PIKFYVE: variants seen among roughly 807,000 people sequenced by gnomAD.
PIKFYVE encodes the protein phosphoinositide kinase, FYVE-type zinc finger containing.
A neutral mutation model predicts 257.9 loss-of-function variants in PIKFYVE; 122 were observed. The observed-to-expected ratio is 0.47, with a 90% CI of 0.41 to 0.55. PIKFYVE has a LOEUF of 0.55. PIKFYVE is among the 20% of genes least tolerant of loss of function. The probability of loss-of-function intolerance (pLI) is 0.00; values close to 1 mark genes in which losing one functional copy is unlikely to be tolerated. For missense variants in PIKFYVE, 2,160 were observed against 2,536.6 expected, an observed-to-expected ratio of 0.85 and a Z score of 3.19; for synonymous variants, 892 against 868.9, an observed-to-expected ratio of 1.03 and a Z score of -0.47.
chr2:208,346,583 A>G (rs75501388), intron 34 of PIKFYVE, among the ~76,000 whole-genome samples: 2,079 of 152,324 alleles, frequency 0.014, 25 homozygotes, highest in Non-Finnish European at 0.023. Flanking sequence ...TTTTTCAAGA[A>G]GGAACTTAAA....
rs543026237 is a variant in PIKFYVE at position 208,295,572 on chromosome 2, T to C, written c.912-3069T>C. ...AGTTGTTTAGTAAAATGCCCTTCAA[T>C]TTAAGTTTATCAAAAGCTTCCTATG... On this transcript the variant is annotated intron_variant, in intron 7 of 41. Coordinates refer to ENST00000264380, the MANE Select transcript of PIKFYVE (RefSeq NM_015040.4). 6.6e-5 allele frequency among the ~76,000 whole-genome samples: 10 copies of C among 152,342 alleles called. No individual in the cohort carries two copies. In the South Asian group the frequency reaches 2.1e-3, roughly 32 times the overall value.
chr2:208,316,458 T>G (rs1292659554), intron 15 of PIKFYVE, among the ~76,000 whole-genome samples: 4 of 151,946 alleles, frequency 2.6e-5, no homozygotes, highest in Admixed American at 1.3e-4. Flanking sequence ...CCACACTGAC[T>G]TCCACAATGG....
chr2:208,315,747 C>G (rs1023070787), intron 15 of PIKFYVE, among the ~76,000 whole-genome samples: 2 of 151,900 alleles, frequency 1.3e-5, no homozygotes, highest in Admixed American at 1.3e-4. Context: ...TTGTCCCACT[C>G]GTGGCCTGTG....
chr2:208,277,983 A>G (rs1260186664), intron 5 of PIKFYVE, among the ~76,000 whole-genome samples: 5 of 152,248 alleles, frequency 3.3e-5, no homozygotes. Context: ...AGATCGTTAG[A>G]GTAGATTACT....
chr2:208,313,398 A>T (rs1458449690), intron 13 of PIKFYVE, among the ~76,000 whole-genome samples: 5 of 152,156 alleles, frequency 3.3e-5, no homozygotes, highest in African/African-American at 1.2e-4. Context: ...TTTGTTAAAA[A>T]ACCCCTGTGC....
intron 11 of PIKFYVE, 49 bp from the exon 12 acceptor site, chr2:208,304,797 T>A (rs768721756): frequency 6.3e-7 from 1 of 1,578,748 alleles, no homozygotes; most frequent in African/African-American, 1.3e-5. Context: ...AAACCCATTT[T>A]TACTCCCCTC....
At chr2:208,335,732 A>G (rs1165858022) in intron 25 of PIKFYVE, 61 bp from the exon 26 acceptor site, 1 of 1,251,152 alleles carries the variant, frequency 8.0e-7, no homozygotes, top group Non-Finnish European at 1.2e-6. Flanking sequence ...TTTTCTATTT[A>G]TGTGAGATAG....
Position 208,315,259 on chromosome 2 carries a change from ATC to A in PIKFYVE, c.1895_1896del (p.Ser632LeufsTer19). 2.5e-6 allele frequency: 4 copies of A among 1,614,166 alleles called. No homozygotes were observed. The highest frequency in any genetic ancestry group is 3.4e-6 in the Non-Finnish European group (4 of 1,180,020). ...TGCTCCATAGTGACTCACTGTCATC[ATC>A]TTGGAGGGACATCATCGTGTCATTG... ...QLLHSDSLSSSWRDIIVSLVC... is the reference protein window; with the variant it reads ...QLLHSDSLSSXWRDIIVSLVC... On this transcript the variant is annotated frameshift_variant, in exon 15 of 42. Coordinates refer to ENST00000264380, the MANE Select transcript of PIKFYVE (RefSeq NM_015040.4). LOFTEE classifies it high-confidence loss of function.
At chr2:208,306,559 A>G (rs1694335458) in intron 12 of PIKFYVE, among the ~76,000 whole-genome samples, 1 of 152,208 alleles carries the variant, frequency 6.6e-6, no homozygotes, top group Admixed American at 6.5e-5. Flanking sequence ...ACCTGTCATC[A>G]TAGAATTTGT....
intron 38 of PIKFYVE, among the ~76,000 whole-genome samples, chr2:208,352,186 T>A (rs758183756): frequency 4.6e-5 from 7 of 152,318 alleles, no homozygotes; most frequent in Non-Finnish European, 7.4e-5. Context: ...TTGCTGAGAC[T>A]GAAATTTGAA....
chr2:208,296,796 CTGA>C lies in PIKFYVE; in HGVS notation c.912-1843_912-1841del, dbSNP rs149530957. On this transcript the variant is annotated intron_variant, in intron 7 of 41. Coordinates refer to ENST00000264380, the MANE Select transcript of PIKFYVE (RefSeq NM_015040.4). ...TTTTCAAGGAAAGGGAGTTATGCTG[CTGA>C]TATGTTAAGTAAGATGAGGAGTGAA... is the stretch of plus-strand genomic sequence containing the variant. Among the ~76,000 whole-genome samples the C allele has an allele frequency of 3.3e-3, 508 of 152,114 alleles. 3 individuals are homozygous for C. Among genetic ancestry groups the C allele is most frequent in the African/African-American group, 0.012 (491 of 41,508 alleles).
In PIKFYVE at chr2:208,276,563, G is replaced by C; in HGVS notation, c.323-149G>C. ...TTCAGTAGCCTCTTACCCTTATAAAGACTTGTTTTAACTCTCAATTCATAT... is the reference window on the plus strand; with the variant it reads ...TTCAGTAGCCTCTTACCCTTATAAACACTTGTTTTAACTCTCAATTCATAT... On this transcript the variant is annotated intron_variant, in intron 3 of 41. Transcript: ENST00000264380. 3 of 729,132 alleles carry C rather than the reference G, an allele frequency of 4.1e-6. No homozygotes were observed. In the East Asian group the frequency reaches 7.9e-5, roughly 19 times the overall value. 45.2% of individuals were successfully genotyped at this position (729,132 alleles called of 1,614,324 possible). A position where few individuals can be genotyped will look rare whatever the true frequency, so the allele number is the denominator to read the frequency against.
In PIKFYVE at chr2:208,285,844, T is replaced by A. The variant is rs769221123; in HGVS notation, c.732T>A (p.Ser244=). Residue 244 remains serine, a synonymous_variant, in exon 6 of 42, where the codon TCT becomes TCA. Transcript: ENST00000264380. The stretch of plus-strand genomic sequence containing the variant: ...TTTCAGATTCTGCTTGCTCTGTGTC[T>A]GTGCTTGATCCAAGTGAACCCCGAA... The part of the protein sequence containing the change: ...NALSDSACSV[S]VLDPSEPRTP... The A allele has an allele frequency of 6.2e-7, 1 of 1,614,178 alleles. No homozygotes were observed. Among genetic ancestry groups the A allele is most frequent in the East Asian group, 2.2e-5 (1 of 44,876 alleles).
At chr2:208,283,915 T>TAC (rs1559052918) in intron 5 of PIKFYVE, among the ~76,000 whole-genome samples, 1 of 152,208 alleles carries the variant, frequency 6.6e-6, no homozygotes, top group African/African-American at 2.4e-5. Context: ...CTGAGTACTG[T>TAC]GTAATAGTAG....
intron 16 of PIKFYVE, 63 bp from the exon 17 acceptor site, chr2:208,320,183 GTTATAA>G: frequency 6.4e-7 from 1 of 1,556,020 alleles, no homozygotes; most frequent in Non-Finnish European, 8.7e-7. Flanking sequence ...TAGATTTAAA[GTTATAA>G]TTAAAGGAGG....
At chr2:208,342,422 A>G (rs1698796258) in intron 31 of PIKFYVE, 132 bp from the exon 32 acceptor site, 1 of 698,720 alleles carries the variant, frequency 1.4e-6, no homozygotes, top group Non-Finnish European at 2.4e-6. Flanking sequence ...ATTGCCTTCA[A>G]AAACTTTCTC....
intron 1 of PIKFYVE, 70 bp from the exon 2 acceptor site, chr2:208,271,441 A>G (rs1313892209): frequency 8.5e-6 from 12 of 1,404,812 alleles, no homozygotes. Context: ...GGATATTTCG[A>G]TGCTGTTTGG....
chr2:208,347,956 T>C lies in PIKFYVE; in HGVS notation c.5307T>C (p.Asp1769=), dbSNP rs751476224. 2.5e-6 allele frequency: 4 copies of C among 1,613,998 alleles called. No homozygotes were observed. In the East Asian group the frequency reaches 6.7e-5, roughly 27 times the overall value. Residue 1769 remains aspartate, a synonymous_variant, in exon 35 of 42, where the codon GAT becomes GAC. Coordinates refer to ENST00000264380, the MANE Select transcript of PIKFYVE (RefSeq NM_015040.4). The part of the protein sequence containing the change: ...SQKRETLRGA[D]SAYYQVGQTG... ...AGAGAGAGACCTTACGTGGAGCAGA[T>C]AGTGCTTACTACCAGGTTGGGCAGA... is the stretch of plus-strand genomic sequence containing the variant.
intron 20 of PIKFYVE, 152 bp downstream of exon 20, chr2:208,326,581 C>A: frequency 1.2e-6 from 1 of 850,514 alleles, no homozygotes; most frequent in Admixed American, 2.1e-5. Context: ...CTTGAGTCTG[C>A]TGGCTTATGT....
Sources: gnomAD v4.1 joint callset for allele counts (sites outside exome capture counted in the v4.1 genomes callset) on GRCh38, gnomAD v4.1.1 for gene constraint, MANE v1.5 for transcripts, NCBI Gene and HGNC (gene_info 2026-07-23, HGNC 2026-07-21) for gene names.